The following ZNF33A variants were observed in gnomAD, a reference collection of about 807,000 sequenced individuals.
The protein encoded by ZNF33A is zinc finger protein 33A.
In ZNF33A, 9 loss-of-function variants were observed where a neutral mutation model predicts 15.9. That is an observed-to-expected ratio of 0.57 (90% CI 0.34 to 0.99). The LOEUF (loss-of-function observed/expected upper bound fraction) is 0.99. Among genes scored for constraint, ZNF33A ranks in the 50% least tolerant of loss-of-function variants. ZNF33A has a pLI of 0.02. For missense variants in ZNF33A, 843 were observed against 941.6 expected, an observed-to-expected ratio of 0.90 and a Z score of 1.37; for synonymous variants, 294 against 324.2, an observed-to-expected ratio of 0.91 and a Z score of 1.00.
At chr10:38,034,952 C>T (rs2065375226) in intron 4 of ZNF33A, among the ~76,000 whole-genome samples, 1 of 151,906 alleles carries the variant, frequency 6.6e-6, no homozygotes, top group African/African-American at 2.4e-5. Context: ...TACATGTAAC[C>T]ATCTGTATCT....
intron 4 of ZNF33A, among the ~76,000 whole-genome samples, chr10:38,052,611 T>G (rs1209779735): frequency 3.9e-5 from 6 of 152,236 alleles, no homozygotes; most frequent in Middle Eastern, 3.4e-3. Context: ...ATTCTAAACT[T>G]TATGTGGAAG....
intron 4 of ZNF33A, among the ~76,000 whole-genome samples, chr10:38,030,681 A>G (rs1009937389): frequency 2.6e-5 from 4 of 152,156 alleles, no homozygotes; most frequent in African/African-American, 9.7e-5. Flanking sequence ...AGGGAGAAGA[A>G]TGGCTGCTTG....
At position 38,026,538 on chromosome 10, in the gene ZNF33A, T is replaced by G. The variant is rs118125861; in HGVS notation, c.250+9152T>G. ...TTAGTAGAGACGGGGTTTCACCATG[T>G]TGGCCAGGCTTGAACACCTGACCTC... On this transcript the variant is annotated intron_variant, in intron 4 of 4. Transcript: ENST00000432900. Among the ~76,000 whole-genome samples, 757 of 152,324 alleles carry G rather than the reference T, an allele frequency of 5.0e-3. 2 individuals are homozygous for G. The highest frequency in any genetic ancestry group is 8.4e-3 in the Non-Finnish European group (572 of 68,032).
intron 4 of ZNF33A, among the ~76,000 whole-genome samples, chr10:38,049,188 G>T (rs1374363486): frequency 1.3e-5 from 2 of 152,106 alleles, no homozygotes; most frequent in Non-Finnish European, 2.9e-5. Context: ...ATTCTTCAAA[G>T]AAGAGTTCAA....
chr10:38,010,994 T>G (rs893392390), intron 1 of ZNF33A, among the ~76,000 whole-genome samples: 1 of 152,144 alleles, frequency 6.6e-6, no homozygotes, highest in Admixed American at 6.5e-5. Context: ...GCAGCGTGTG[T>G]CGCCCCATTT....
chr10:38,039,416 TGGG>T, intron 4 of ZNF33A: 5 of 447,356 alleles, frequency 1.1e-5, no homozygotes, highest in Non-Finnish European at 2.2e-5. Flanking sequence ...TTTGTAGAGA[TGGG>T]GTTTCACCAT....
intron 4 of ZNF33A, among the ~76,000 whole-genome samples, chr10:38,042,634 TC>T (rs2065760813): frequency 6.6e-6 from 1 of 151,994 alleles, no homozygotes; most frequent in African/African-American, 2.4e-5. Context: ...CATTGCAGCC[TC>T]AACTTCCTGG....
intron 4 of ZNF33A, among the ~76,000 whole-genome samples, chr10:38,019,142 C>T (rs904335040): frequency 6.6e-6 from 1 of 151,790 alleles, no homozygotes; most frequent in Non-Finnish European, 1.5e-5. Flanking sequence ...CCACTCCCCC[C>T]ACCCCGTAAC....
At chr10:38,023,296 TAC>T (rs2064838518) in intron 4 of ZNF33A, among the ~76,000 whole-genome samples, 1 of 152,226 alleles carries the variant, frequency 6.6e-6, no homozygotes, top group Non-Finnish European at 1.5e-5. Flanking sequence ...GCCAAAATCA[TAC>T]AGACAGTACA....
chr10:38,020,936 G>A (rs996373899), intron 4 of ZNF33A, among the ~76,000 whole-genome samples: 2 of 152,120 alleles, frequency 1.3e-5, no homozygotes, highest in African/African-American at 4.8e-5. Context: ...GCCATATGAA[G>A]TGAAAACCAT....
At chr10:38,063,939 A>T, downstream of ZNF33A, 2 of 628,312 alleles carry the variant, frequency 3.2e-6, no homozygotes, top group Non-Finnish European at 5.3e-6. Context: ...GATTCAGCAA[A>T]GGTATCCACT....
At chr10:38,020,330 ATTAT>A (rs1180729512) in intron 4 of ZNF33A, among the ~76,000 whole-genome samples, 2 of 152,268 alleles carry the variant, frequency 1.3e-5, no homozygotes, top group Non-Finnish European at 2.9e-5. Flanking sequence ...CCCTAATGTG[ATTAT>A]TTATCTTTTG....
intron 4 of ZNF33A, among the ~76,000 whole-genome samples, chr10:38,049,863 C>G (rs1163756304): frequency 6.6e-6 from 1 of 152,040 alleles, no homozygotes; most frequent in African/African-American, 2.4e-5. Flanking sequence ...CTAGGTGGAA[C>G]AGATTATCAA....
Position 38,017,367 on chromosome 10 carries a change from C to T in ZNF33A, c.231C>T (p.Phe77=), listed in dbSNP as rs2064507339. ...GEEPWKQEEE[F]PSQSFPEVWT... is the part of the protein sequence containing the mutation. ...AGCCATGGAAACAGGAGGAAGAATT[C>T]CCAAGCCAAAGCTTTCCAGGTGAGT... The change falls in exon 4 of 5, where the codon TTC becomes TTT. Residue 77 remains phenylalanine, a synonymous_variant. Transcript: ENST00000432900. 2.5e-6 allele frequency: 4 copies of T among 1,613,724 alleles called. No individual in the cohort carries two copies. The highest frequency in any genetic ancestry group is 1.3e-5 in the African/African-American group (1 of 74,902).
In ZNF33A at chr10:38,055,192, C is replaced by G. The variant is rs754251588; in HGVS notation, c.1068C>G (p.Pro356=). The change falls in exon 5 of 5, where the codon CCC becomes CCG. Residue 356 remains proline, a synonymous_variant. Transcript: ENST00000432900. ...RHQRVHTGQK[P]FQCNECEKAF... ...AGAGGGTGCACACAGGACAGAAACC[C>G]TTTCAATGTAATGAATGTGAAAAAG... 11 of 1,614,008 alleles carry G rather than the reference C, an allele frequency of 6.8e-6. No individual in the cohort carries two copies. In the African/African-American group the frequency reaches 1.3e-4, roughly 20 times the overall value.
downstream of ZNF33A, among the ~76,000 whole-genome samples, chr10:38,066,743 T>G (rs977783033): frequency 4.6e-5 from 7 of 152,006 alleles, no homozygotes; most frequent in African/African-American, 1.7e-4. Context: ...GAGACCAGCC[T>G]GGCTAACATG....
At position 38,057,482 on chromosome 10, in the gene ZNF33A, G is replaced by T. The variant is rs1273769798; in HGVS notation, c.*922G>T. On this transcript the variant is annotated 3_prime_UTR_variant, in exon 5 of 5. Transcript: ENST00000432900. Reference sequence around the variant, plus strand: ...TTTCATATGCATAATGGAATTTAACGTAATTGTGAATAGGAAGTAGGTATC... The same window carrying T: ...TTTCATATGCATAATGGAATTTAACTTAATTGTGAATAGGAAGTAGGTATC... 1 of 985,254 alleles carries T rather than the reference G, an allele frequency of 1.0e-6. No homozygotes were observed. The highest frequency in any genetic ancestry group is 1.7e-5 in the African/African-American group (1 of 57,210). 61.0% of individuals were successfully genotyped at this position (985,254 alleles called of 1,614,324 possible).
rs1377603053 is a variant in ZNF33A at position 38,039,767 on chromosome 10, C to G, written c.251-14608C>G. Among the ~76,000 whole-genome samples, 4 of 150,866 alleles carry G rather than the reference C, an allele frequency of 2.7e-5. No individual in the cohort carries two copies. In the South Asian group the frequency reaches 6.2e-4, roughly 23 times the overall value. On this transcript the variant is annotated intron_variant, in intron 4 of 4. Transcript: ENST00000432900. ...CTACTTTTAGTAATTTGAACCTTCTCTCTCTTTTTTTTCTTTTTCAATGTC... is the reference window on the plus strand; with the variant it reads ...CTACTTTTAGTAATTTGAACCTTCTGTCTCTTTTTTTTCTTTTTCAATGTC...
intron 1 of ZNF33A, among the ~76,000 whole-genome samples, chr10:38,011,575 C>CA (rs558399540): frequency 0.017 from 2,480 of 148,728 alleles, 33 homozygotes; most frequent in South Asian, 0.032. Context: ...AACTCCGTCT[C>CA]AAAAAAAAAC....
Sources: allele counts gnomAD v4.1 joint callset (sites outside exome capture counted in the v4.1 genomes callset), GRCh38; gene constraint gnomAD v4.1.1; transcripts MANE v1.5; gene names NCBI Gene and HGNC (gene_info 2026-07-23, HGNC 2026-07-21).